PLXNC1: variants seen among roughly 807,000 people sequenced by gnomAD.
PLXNC1 encodes the protein plexin-C1.
Under a neutral mutation model 178.2 loss-of-function variants are expected in PLXNC1, and 75 were observed. The ratio of observed to expected loss-of-function variants is 0.42; its 90% confidence interval spans 0.35 to 0.51. The LOEUF (loss-of-function observed/expected upper bound fraction) is 0.51. Among genes scored for constraint, PLXNC1 ranks in the 20% least tolerant of loss-of-function variants. The probability of loss-of-function intolerance (pLI) is 0.02; values close to 1 mark genes in which losing one functional copy is unlikely to be tolerated. For missense variants in PLXNC1, 1,503 were observed against 1,984.4 expected (o/e 0.76, Z 4.61); for synonymous variants, 790 against 779.9 (o/e 1.01, Z -0.22).
At chr12:94,223,983 A>G (rs1462660412) in intron 6 of PLXNC1, among the ~76,000 whole-genome samples, 5 of 152,142 alleles carry the variant, frequency 3.3e-5, no homozygotes, top group Non-Finnish European at 5.9e-5. Flanking sequence ...GTGATTATTC[A>G]TGGGAGGCTT....
intron 6 of PLXNC1, among the ~76,000 whole-genome samples, chr12:94,220,940 A>T (rs542653352): frequency 6.6e-6 from 1 of 152,188 alleles, no homozygotes; most frequent in Non-Finnish European, 1.5e-5. Context: ...GCCAAGGCAC[A>T]TGGGGTAGGG....
chr12:94,272,608 C>T (rs1253529093), intron 21 of PLXNC1, among the ~76,000 whole-genome samples: 7 of 152,158 alleles, frequency 4.6e-5, no homozygotes, highest in Admixed American at 3.3e-4. Context: ...CCCTTTTGTT[C>T]GGATCGAAGA....
intron 23 of PLXNC1, among the ~76,000 whole-genome samples, chr12:94,291,834 T>G (rs1967363825): frequency 6.6e-6 from 1 of 152,130 alleles, no homozygotes; most frequent in Non-Finnish European, 1.5e-5. Flanking sequence ...GATGCTGAGG[T>G]GTGGGCTTCT....
In PLXNC1 at chr12:94,294,602, G is replaced by C. The variant is rs1967720093; in HGVS notation, c.3934+62G>C. 1.2e-5 allele frequency: 9 copies of C among 726,440 alleles called. No individual in the cohort carries two copies. In the East Asian group the frequency reaches 2.5e-4, roughly 20 times the overall value. The allele number at this position is 726,440 out of a possible 1,614,324, so 45.0% of individuals were successfully genotyped here. A position where few individuals can be genotyped will look rare whatever the true frequency, so the allele number is the denominator to read the frequency against. On this transcript the variant is annotated intron_variant, in intron 24 of 30. Transcript: ENST00000258526. ...CCAGCTTCATAAAGTATTGCTTTTTGCCTCTCTCAGCTGTATTGTCACAAA... is the reference window on the plus strand; with the variant it reads ...CCAGCTTCATAAAGTATTGCTTTTTCCCTCTCTCAGCTGTATTGTCACAAA...
chr12:94,278,031 G>A (rs755131734), intron 21 of PLXNC1: 62 of 455,816 alleles, frequency 1.4e-4, no homozygotes, highest in Admixed American at 6.8e-4. Flanking sequence ...ACAGTACTTG[G>A]GGACCTCCTC....
chr12:94,210,815 G>A (rs1329123752), intron 5 of PLXNC1, among the ~76,000 whole-genome samples: 1 of 152,176 alleles, frequency 6.6e-6, no homozygotes, highest in Non-Finnish European at 1.5e-5. Flanking sequence ...CTGAATCAGA[G>A]TGAATAGATT....
chr12:94,259,491 G>T, intron 18 of PLXNC1, 116 bp downstream of exon 18: 1 of 1,169,088 alleles, frequency 8.6e-7, no homozygotes, highest in African/African-American at 1.6e-5. Context: ...GTTTTTTTTG[G>T]ATCATGAATT....
At chr12:94,190,631 C>G (rs1422579895) in intron 4 of PLXNC1, among the ~76,000 whole-genome samples, 1 of 152,204 alleles carries the variant, frequency 6.6e-6, no homozygotes, top group Non-Finnish European at 1.5e-5. Context: ...GATTATGTCA[C>G]TCCCCAGCTT....
chr12:94,236,138 G>T (rs140237803), intron 9 of PLXNC1, among the ~76,000 whole-genome samples: 8 of 152,242 alleles, frequency 5.3e-5, no homozygotes, highest in African/African-American at 1.9e-4. Context: ...ACCCTTTCAG[G>T]CCCTTAGTGA....
chr12:94,277,062 A>G (rs904268671), intron 21 of PLXNC1: 4 of 121,504 alleles, frequency 3.3e-5, no homozygotes, highest in African/African-American at 1.3e-4. Flanking sequence ...AGCTCTTTAT[A>G]AACACCATAA....
chr12:94,210,641 G>T (rs56208305), intron 5 of PLXNC1, among the ~76,000 whole-genome samples: 3 of 152,302 alleles, frequency 2.0e-5, no homozygotes, highest in African/African-American at 7.2e-5. Flanking sequence ...TAATAAAGGA[G>T]AGCCAAAGTA....
chr12:94,286,145 A>G (rs1419291599), intron 23 of PLXNC1, among the ~76,000 whole-genome samples: 1 of 152,220 alleles, frequency 6.6e-6, no homozygotes, highest in Non-Finnish European at 1.5e-5. Flanking sequence ...TCCGGCCTGT[A>G]GTCACTTCCC....
intron 2 of PLXNC1, 58 bp downstream of exon 2, chr12:94,169,351 A>G: frequency 2.1e-6 from 3 of 1,454,544 alleles, no homozygotes; most frequent in Non-Finnish European, 2.8e-6. Context: ...TTGTACTTTA[A>G]AAAAACATTT....
At chr12:94,197,301 CG>C (rs1193266858) in intron 4 of PLXNC1, among the ~76,000 whole-genome samples, 14 of 152,150 alleles carry the variant, frequency 9.2e-5, no homozygotes, top group Admixed American at 9.2e-4. Context: ...TGGAACCTTT[CG>C]GACGTGATTA....
intron 7 of PLXNC1, among the ~76,000 whole-genome samples, chr12:94,226,090 A>G (rs1427359219): frequency 6.6e-6 from 1 of 152,182 alleles, no homozygotes; most frequent in Non-Finnish European, 1.5e-5. Context: ...ATGATAGGTG[A>G]TTTGATTAGT....
chr12:94,235,660 C>A (rs796456519), intron 9 of PLXNC1, among the ~76,000 whole-genome samples: 1 of 152,154 alleles, frequency 6.6e-6, no homozygotes, highest in Non-Finnish European at 1.5e-5. Context: ...CTTTGCGGGC[C>A]GTATGGTCTC....
intron 15 of PLXNC1, among the ~76,000 whole-genome samples, chr12:94,251,869 G>A (rs961178235): frequency 1.1e-4 from 16 of 152,280 alleles, no homozygotes; most frequent in Admixed American, 9.2e-4. Context: ...GCAGGTGCCT[G>A]TAATCCCAGC....
chr12:94,246,061 G>A (rs974586951), intron 12 of PLXNC1, among the ~76,000 whole-genome samples: 5 of 152,294 alleles, frequency 3.3e-5, no homozygotes, highest in South Asian at 2.1e-4. Flanking sequence ...AAAAGGCTTC[G>A]GTGTCCTGTC....
rs1235000312 is a variant in PLXNC1, at chr12:94,149,697, C to T, written c.726C>T (p.Gly242=). 1.9e-6 allele frequency: 3 copies of T among 1,611,822 alleles called. No homozygotes were observed. The highest frequency in any genetic ancestry group is 1.7e-5 in the Admixed American group (1 of 59,806). The change falls in exon 1 of 31, where the codon GGC becomes GGT. Residue 242 remains glycine, a synonymous_variant. Transcript: ENST00000258526. ...LHFVDAFLWN[G]SIYFPYYPYN... is the part of the protein sequence containing the mutation. ...TCGTGGACGCCTTTCTCTGGAACGG[C>T]AGCATCTACTTCCCCTACTACCCCT... is the stretch of plus-strand genomic sequence containing the variant.
Sources: gnomAD v4.1 joint callset for allele counts (sites outside exome capture counted in the v4.1 genomes callset) on GRCh38, gnomAD v4.1.1 for gene constraint, MANE v1.5 for transcripts, NCBI Gene and HGNC (gene_info 2026-07-23, HGNC 2026-07-21) for gene names.